Variants in MCTP2 observed in about 807,000 individuals in gnomAD.
MCTP2 encodes the protein multiple C2 and transmembrane domain containing 2, also known as multiple C2 and transmembrane domain-containing protein 2.
Under a neutral mutation model 111.6 loss-of-function variants are expected in MCTP2, and 132 were observed. That is an observed-to-expected ratio of 1.18 (90% CI 1.03 to 1.37). The LOEUF is 1.37. Among genes scored for constraint, MCTP2 ranks in the 40% most tolerant of loss-of-function variants. The probability of loss-of-function intolerance (pLI) is 0.00; values close to 1 mark genes in which losing one functional copy is unlikely to be tolerated. For missense variants in MCTP2, 1,183 were observed against 1,067.9 expected (o/e 1.11, Z -1.50); for synonymous variants, 395 against 387.7 (o/e 1.02, Z -0.22).
chr15:94,291,334 G>A (rs556443506), intron 1 of MCTP2, among the ~76,000 whole-genome samples: 1 of 152,320 alleles, frequency 6.6e-6, no homozygotes, highest in East Asian at 1.9e-4. Flanking sequence ...CGGGTGTGGT[G>A]GCTCACACCT....
intron 8 of MCTP2, among the ~76,000 whole-genome samples, chr15:94,345,433 T>A (rs1369063323): frequency 6.6e-6 from 1 of 152,056 alleles, no homozygotes; most frequent in Non-Finnish European, 1.5e-5. Context: ...AAGCTTGGAT[T>A]ATTTAGAGTT....
chr15:94,460,885 TGTC>T (rs1264950466), intron 20 of MCTP2, among the ~76,000 whole-genome samples: 9 of 152,222 alleles, frequency 5.9e-5, no homozygotes, highest in African/African-American at 1.9e-4. Flanking sequence ...TCAAGTGGGA[TGTC>T]GTGTGTAATT....
chr15:94,245,365 T>G (rs1327115396), intron 1 of MCTP2, among the ~76,000 whole-genome samples: 2 of 139,292 alleles, frequency 1.4e-5, no homozygotes, highest in South Asian at 2.2e-4. Context: ...TGTATATATA[T>G]TTACATACAT....
chr15:94,441,382 TCA>T (rs1470936095), intron 18 of MCTP2, among the ~76,000 whole-genome samples: 1 of 152,242 alleles, frequency 6.6e-6, no homozygotes, highest in African/African-American at 2.4e-5. Context: ...GGACTAGGTT[TCA>T]CAGAGTTATA....
At chr15:94,390,749 G>GTTTTA (rs2080916508) in intron 14 of MCTP2, among the ~76,000 whole-genome samples, 2 of 129,566 alleles carry the variant, frequency 1.5e-5, no homozygotes, top group African/African-American at 5.8e-5. Context: ...TTTTTTTTTG[G>GTTTTA]GATGGAGTCT....
Position 94,298,333 on chromosome 15 carries a change from T to G in MCTP2, c.68T>G (p.Leu23Trp). The G allele has an allele frequency of 6.2e-7, 1 of 1,614,124 alleles. No homozygotes were observed. The highest frequency in any genetic ancestry group is 8.5e-7 in the Non-Finnish European group (1 of 1,180,006). ...CGGACCAGGCCATTGTTGATCAACT[T>G]GAGCAAGAAGAAGGTGAAAAAGAAC... ...KQRTRPLLIN[L>W]SKKKVKKNPS... The change falls in exon 2 of 23, where the codon TTG becomes TGG. Residue 23 changes from leucine (L) to tryptophan (W), a missense_variant. Physicochemically the swap from Leu to Trp is moderately conservative, Grantham distance 61. Transcript: ENST00000357742.
At chr15:94,277,919 G>T (rs556071630) in intron 1 of MCTP2, among the ~76,000 whole-genome samples, 1 of 152,226 alleles carries the variant, frequency 6.6e-6, no homozygotes, top group East Asian at 1.9e-4. Context: ...GCGAAGAAAT[G>T]TATGTTAAAA....
At chr15:94,271,406 GTA>G (rs1269959335) in intron 1 of MCTP2, among the ~76,000 whole-genome samples, 1 of 152,154 alleles carries the variant, frequency 6.6e-6, no homozygotes, top group Admixed American at 6.5e-5. Context: ...TTATATTTGG[GTA>G]TATGTTTTGA....
chr15:94,329,988 T>C (rs571406807), intron 4 of MCTP2, among the ~76,000 whole-genome samples: 1 of 152,304 alleles, frequency 6.6e-6, no homozygotes, highest in Middle Eastern at 3.4e-3. Context: ...TGGAAAAAAG[T>C]CTTCTACTTT....
At chr15:94,465,982 A>G (rs770877031) in intron 20 of MCTP2, among the ~76,000 whole-genome samples, 9 of 152,166 alleles carry the variant, frequency 5.9e-5, no homozygotes, top group Non-Finnish European at 8.8e-5. Context: ...TGCCTTCTAA[A>G]TACTTTCTTT....
chr15:94,393,110 A>G (rs1237563157), intron 14 of MCTP2, among the ~76,000 whole-genome samples: 2 of 152,204 alleles, frequency 1.3e-5, no homozygotes, highest in East Asian at 1.9e-4. Flanking sequence ...TGTATTATCT[A>G]TGAACATAAA....
intron 1 of MCTP2, among the ~76,000 whole-genome samples, chr15:94,234,910 C>G (rs1397548402): frequency 1.3e-5 from 2 of 152,100 alleles, no homozygotes; most frequent in Non-Finnish European, 2.9e-5. Flanking sequence ...TGGAGTTACT[C>G]TGATGGAGTC....
chr15:94,336,751 A>G (rs12899785), intron 4 of MCTP2, among the ~76,000 whole-genome samples: 1 of 149,830 alleles, frequency 6.7e-6, no homozygotes, highest in African/African-American at 2.5e-5. Context: ...GTGTGTGTAT[A>G]TATATACACA....
intron 14 of MCTP2, among the ~76,000 whole-genome samples, chr15:94,390,747 T>TG (rs1159216668): frequency 1.1e-4 from 15 of 140,904 alleles, no homozygotes; most frequent in African/African-American, 3.5e-4. Flanking sequence ...TTTTTTTTTT[T>TG]GGGATGGAGT....
rs774910641 is a variant in MCTP2 at position 94,243,152 on chromosome 15, CGT to C, written c.-66+11495_-66+11496del. 8.0e-4 allele frequency among the ~76,000 whole-genome samples: 115 copies of C among 144,396 alleles called. 1 individual carries two copies. Among genetic ancestry groups the C allele is most frequent in the African/African-American group, 2.7e-3 (104 of 38,926 alleles). 94.7% of individuals were successfully genotyped at this position (144,396 alleles called of 152,430 possible). On this transcript the variant is annotated intron_variant, in intron 1 of 22. Coordinates refer to ENST00000357742, the MANE Select transcript of MCTP2 (RefSeq NM_001385001.1). ...CTACGGGTGTGGATATATTTATATA[CGT>C]GTGTGTATATACATACGTACGTATG...
At chr15:94,461,580 G>A (rs1334581223) in intron 20 of MCTP2, among the ~76,000 whole-genome samples, 1 of 152,184 alleles carries the variant, frequency 6.6e-6, no homozygotes, top group Non-Finnish European at 1.5e-5. Flanking sequence ...TCTAACTCTT[G>A]TGTCCTTGAG....
At chr15:94,417,067 G>A (rs1333658579) in intron 17 of MCTP2, among the ~76,000 whole-genome samples, 1 of 152,048 alleles carries the variant, frequency 6.6e-6, no homozygotes, top group East Asian at 1.9e-4. Context: ...GATTTTTCAG[G>A]GCAAACAGGT....
At chr15:94,446,849 G>T (rs1195743114) in intron 19 of MCTP2, among the ~76,000 whole-genome samples, 1 of 152,194 alleles carries the variant, frequency 6.6e-6, no homozygotes, top group Non-Finnish European at 1.5e-5. Flanking sequence ...ACAATTGCCT[G>T]ACAGTGTTTA....
intron 14 of MCTP2, among the ~76,000 whole-genome samples, chr15:94,396,252 G>A (rs915809177): frequency 6.6e-6 from 1 of 152,112 alleles, no homozygotes; most frequent in African/African-American, 2.4e-5. Context: ...ATTGAAAGCT[G>A]TATTTTTCCT....
Sources: allele counts gnomAD v4.1 joint callset (sites outside exome capture counted in the v4.1 genomes callset), GRCh38; gene constraint gnomAD v4.1.1; transcripts MANE v1.5; gene names NCBI Gene and HGNC (gene_info 2026-07-23, HGNC 2026-07-21).